The following BANK1 variants were observed in gnomAD, a reference collection of about 807,000 sequenced individuals.
BANK1 encodes the protein B cell scaffold protein with ankyrin repeats 1.
A neutral mutation model predicts 94.5 loss-of-function variants in BANK1; 95 were observed. The observed-to-expected ratio is 1.00, with a 90% CI of 0.85 to 1.19. The LOEUF (loss-of-function observed/expected upper bound fraction) is 1.19, where lower values mean the gene tolerates loss of function less well. BANK1 is among the 50% of genes most tolerant of loss of function. BANK1 has a pLI of 0.00. For synonymous variants in BANK1, 334 were observed against 308.4 expected, an observed-to-expected ratio of 1.08 and a Z score of -0.87; for missense variants, 987 against 932.2, an observed-to-expected ratio of 1.06 and a Z score of -0.77.
intron 7 of BANK1, among the ~76,000 whole-genome samples, chr4:101,979,834 A>G (rs1725268996): frequency 1.3e-5 from 2 of 151,908 alleles, no homozygotes; most frequent in African/African-American, 4.8e-5. Context: ...TTGGCTATAA[A>G]TTGTCAAACA....
At chr4:102,030,293 G>C in intron 10 of BANK1, 28 bp downstream of exon 10, 3 of 1,529,774 alleles carry the variant, frequency 2.0e-6, no homozygotes, top group East Asian at 2.3e-5. Context: ...TTGTTTACTT[G>C]TTAATTTTTT....
intron 8 of BANK1, among the ~76,000 whole-genome samples, chr4:102,022,110 G>A (rs1470800372): frequency 6.6e-6 from 1 of 151,586 alleles, no homozygotes; most frequent in African/African-American, 2.4e-5. Flanking sequence ...ATATATAAAC[G>A]TGTATATATA....
chr4:101,986,899 G>GTGTGTGTGTGTATATATATATATA (rs1343197093), intron 7 of BANK1, among the ~76,000 whole-genome samples: 5 of 82,670 alleles, frequency 6.0e-5, no homozygotes, highest in African/African-American at 3.2e-4. Flanking sequence ...GTGTGTGTGT[G>GTGTGTGTGTGTATATATATATATA]TATATATATA....
intron 1 of BANK1, among the ~76,000 whole-genome samples, chr4:101,807,182 AT>A (rs1387796456): frequency 6.6e-6 from 1 of 152,124 alleles, no homozygotes; most frequent in Non-Finnish European, 1.5e-5. Flanking sequence ...ACCTTCCTCA[AT>A]TTTTGTTATT....
At chr4:101,840,182 AT>A (rs1726990878) in intron 2 of BANK1, among the ~76,000 whole-genome samples, 4 of 149,964 alleles carry the variant, frequency 2.7e-5, no homozygotes, top group African/African-American at 9.8e-5. Flanking sequence ...TTTAGCCGGG[AT>A]GGTCTCGATC....
chr4:101,852,685 A>G (rs968397378), intron 2 of BANK1, among the ~76,000 whole-genome samples: 2 of 151,452 alleles, frequency 1.3e-5, no homozygotes, highest in Non-Finnish European at 2.9e-5. Context: ...ATACTCTTTG[A>G]TAGAATTATT....
intron 7 of BANK1, among the ~76,000 whole-genome samples, chr4:102,002,215 C>T (rs1244606862): frequency 6.6e-6 from 1 of 152,176 alleles, no homozygotes; most frequent in African/African-American, 2.4e-5. Context: ...CTCTTTCACA[C>T]GTATGATCTT....
chr4:101,814,071 G>A (rs1417306485), intron 1 of BANK1: 1 of 203,432 alleles, frequency 4.9e-6, no homozygotes, highest in African/African-American at 2.4e-5. Flanking sequence ...TGTTTCCAAA[G>A]TGTGACATCC....
chr4:101,844,017 T>G (rs1027204966), intron 2 of BANK1, among the ~76,000 whole-genome samples: 2 of 152,238 alleles, frequency 1.3e-5, no homozygotes, highest in African/African-American at 4.8e-5. Context: ...GCTTGGCTGC[T>G]TATCCACTAA....
intron 5 of BANK1, among the ~76,000 whole-genome samples, chr4:101,879,010 A>T (rs1420575193): frequency 1.3e-5 from 2 of 152,012 alleles, no homozygotes; most frequent in Non-Finnish European, 1.5e-5. Context: ...AGAAAAGAAA[A>T]ATGTTAAATA....
At chr4:101,995,053 C>T (rs1725830661) in intron 7 of BANK1, among the ~76,000 whole-genome samples, 1 of 152,102 alleles carries the variant, frequency 6.6e-6, no homozygotes. Context: ...CACCCATCAA[C>T]CCGTCATCTA....
At chr4:101,802,003 A>T (rs1017609076) in intron 1 of BANK1, among the ~76,000 whole-genome samples, 1 of 152,206 alleles carries the variant, frequency 6.6e-6, no homozygotes, top group African/African-American at 2.4e-5. Context: ...TTTTATAGGC[A>T]CAGGATGGGG....
At chr4:101,828,396 TATATATATATATATCTCC>T (rs950766452) in intron 1 of BANK1, among the ~76,000 whole-genome samples, 39 of 78,626 alleles carry the variant, frequency 5.0e-4, no homozygotes, top group African/African-American at 1.6e-3. Flanking sequence ...TATATATATA[TATATATATATATATCTCC>T]ATATATATCT....
At chr4:101,860,943 G>A (rs991584790) in intron 3 of BANK1, among the ~76,000 whole-genome samples, 1 of 152,170 alleles carries the variant, frequency 6.6e-6, no homozygotes, top group Non-Finnish European at 1.5e-5. Flanking sequence ...GACATTATTT[G>A]GCTCTTAAAG....
intron 1 of BANK1, among the ~76,000 whole-genome samples, chr4:101,806,158 T>G (rs765158731): frequency 7.9e-5 from 12 of 152,020 alleles, no homozygotes; most frequent in Admixed American, 1.3e-4. Context: ...TGGAAAAAAC[T>G]GTCATATATG....
At chr4:102,032,303 C>G (rs1727347632) in intron 10 of BANK1, 1 of 152,162 alleles carries the variant, frequency 6.6e-6, no homozygotes, top group Non-Finnish European at 1.5e-5. Context: ...ATCTTCCCAT[C>G]CTTCTATTGA....
intron 5 of BANK1, among the ~76,000 whole-genome samples, chr4:101,885,151 A>C (rs1728807436): frequency 6.6e-6 from 1 of 152,250 alleles, no homozygotes; most frequent in African/African-American, 2.4e-5. Context: ...GCCTGACCTC[A>C]GGTGATCCAC....
chr4:101,901,626 G>A lies in BANK1; in HGVS notation c.1009+6216G>A, dbSNP rs191209353. Among the ~76,000 whole-genome samples the A allele has an allele frequency of 5.3e-5, 8 of 152,258 alleles. No individual in the cohort carries two copies. The East Asian group carries it at 1.5e-3, about 29-fold the overall frequency. Reference sequence around the variant, plus strand: ...AGAATAGCAGATGCATCAAAAAAAAGTAACAGATTAGGCAAAGAACTCAAA... The same window carrying A: ...AGAATAGCAGATGCATCAAAAAAAAATAACAGATTAGGCAAAGAACTCAAA... On this transcript the variant is annotated intron_variant, in intron 6 of 16. Transcript: ENST00000322953.
At chr4:101,849,817 T>C (rs781170093) in intron 2 of BANK1, among the ~76,000 whole-genome samples, 72 of 152,340 alleles carry the variant, frequency 4.7e-4, no homozygotes, top group Middle Eastern at 6.8e-3. Flanking sequence ...TTATTTACTT[T>C]GGAAAATTTG....
Sources: allele counts gnomAD v4.1 joint callset (sites outside exome capture counted in the v4.1 genomes callset), GRCh38; gene constraint gnomAD v4.1.1; transcripts MANE v1.5; gene names NCBI Gene and HGNC (gene_info 2026-07-23, HGNC 2026-07-21).